MAML3: variants seen among roughly 807,000 people sequenced by gnomAD.
MAML3 encodes mastermind like transcriptional coactivator 3, also known as mastermind-like protein 3.
MAML3 carries 27 observed loss-of-function variants against 101.9 expected under a neutral mutation model. The ratio of observed to expected loss-of-function variants is 0.27; its 90% confidence interval spans 0.20 to 0.37. MAML3 has a LOEUF of 0.37. Among genes scored for constraint, MAML3 ranks in the 10% least tolerant of loss-of-function variants. MAML3 has a pLI of 1.00. For synonymous variants in MAML3, 501 were observed against 555.9 expected (o/e 0.90, Z 1.39); for missense variants, 1,316 against 1,444.9 (o/e 0.91, Z 1.45).
At chr4:139,927,467 G>A (rs1733288568) in intron 1 of MAML3, among the ~76,000 whole-genome samples, 1 of 152,098 alleles carries the variant, frequency 6.6e-6, no homozygotes, top group African/African-American at 2.4e-5. Flanking sequence ...CGCAAATTCC[G>A]TTTCTCCTCA....
chr4:139,874,147 A>T (rs1311145773), intron 2 of MAML3, among the ~76,000 whole-genome samples: 1 of 152,196 alleles, frequency 6.6e-6, no homozygotes, highest in Non-Finnish European at 1.5e-5. Context: ...GATTTTTCTC[A>T]TCTACTGAGG....
chr4:139,887,920 GA>G (rs1295449375), intron 2 of MAML3, among the ~76,000 whole-genome samples: 2 of 152,156 alleles, frequency 1.3e-5, no homozygotes. Flanking sequence ...TATTCTTAAT[GA>G]AACTAAGATA....
intron 2 of MAML3, among the ~76,000 whole-genome samples, chr4:139,835,072 A>G (rs1009022136): frequency 2.0e-5 from 3 of 152,192 alleles, no homozygotes; most frequent in African/African-American, 7.2e-5. Context: ...GACAAGGGGG[A>G]TCTCCCCACT....
intron 2 of MAML3, among the ~76,000 whole-genome samples, chr4:139,838,344 G>A (rs1158478696): frequency 1.3e-5 from 2 of 151,946 alleles, no homozygotes; most frequent in East Asian, 1.9e-4. Flanking sequence ...ACTGCATTTC[G>A]GCAGTATTGC....
chr4:139,978,186 A>G (rs146761509), intron 1 of MAML3, among the ~76,000 whole-genome samples: 57 of 152,222 alleles, frequency 3.7e-4, no homozygotes, highest in African/African-American at 1.3e-3. Context: ...GGAGCCCAAG[A>G]AGGTTACAAA....
intron 2 of MAML3, among the ~76,000 whole-genome samples, chr4:139,778,308 A>G (rs1730129035): frequency 6.6e-6 from 1 of 152,200 alleles, no homozygotes; most frequent in South Asian, 2.1e-4. Flanking sequence ...AGGGCTGTGC[A>G]CTTTTGAAGT....
At chr4:139,897,706 T>C (rs371419102) in intron 1 of MAML3, among the ~76,000 whole-genome samples, 26 of 152,188 alleles carry the variant, frequency 1.7e-4, no homozygotes, top group African/African-American at 5.5e-4. Context: ...GTTTTCTCCA[T>C]ACATTGTGAA....
At chr4:140,120,236 CAAAA>C (rs35845014) in intron 1 of MAML3, among the ~76,000 whole-genome samples, 5 of 90,048 alleles carry the variant, frequency 5.6e-5, no homozygotes, top group Middle Eastern at 5.8e-3. Context: ...GACTCCGTCT[CAAAA>C]AAAAAAAAAA....
At chr4:140,151,191 G>T (rs933959524) in intron 1 of MAML3, among the ~76,000 whole-genome samples, 2 of 151,894 alleles carry the variant, frequency 1.3e-5, no homozygotes, top group African/African-American at 4.8e-5. Flanking sequence ...AGAGTGGCTG[G>T]AGGAGGAGGA....
chr4:139,760,566 C>T (rs1373755801), intron 2 of MAML3, among the ~76,000 whole-genome samples: 2 of 152,144 alleles, frequency 1.3e-5, no homozygotes, highest in Non-Finnish European at 2.9e-5. Context: ...TGTGGCCAGA[C>T]AAGAGTTCAT....
chr4:139,836,315 G>A (rs1033878078), intron 2 of MAML3, among the ~76,000 whole-genome samples: 3 of 152,062 alleles, frequency 2.0e-5, no homozygotes, highest in Non-Finnish European at 2.9e-5. Flanking sequence ...CCCGCCTATC[G>A]TCTGCCAGCT....
chr4:139,828,732 TA>T (rs529918429), intron 2 of MAML3, among the ~76,000 whole-genome samples: 7 of 144,448 alleles, frequency 4.8e-5, no homozygotes, highest in East Asian at 2.0e-4. Context: ...TTTTTTTTTT[TA>T]AAAACATAGT....
At chr4:140,102,830 A>C (rs987625048) in intron 1 of MAML3, among the ~76,000 whole-genome samples, 1 of 152,218 alleles carries the variant, frequency 6.6e-6, no homozygotes, top group Non-Finnish European at 1.5e-5. Flanking sequence ...TGTCCAGAGA[A>C]AATGGCCTTG....
At chr4:140,086,711 C>T (rs555017700) in intron 1 of MAML3, among the ~76,000 whole-genome samples, 64 of 151,610 alleles carry the variant, frequency 4.2e-4, no homozygotes, top group African/African-American at 1.4e-3. Flanking sequence ...GTGGGGTGAA[C>T]GAGAGAAGAG....
chr4:139,965,820 C>T (rs139854294), intron 1 of MAML3, among the ~76,000 whole-genome samples: 12 of 152,212 alleles, frequency 7.9e-5, no homozygotes, highest in African/African-American at 2.9e-4. Flanking sequence ...CCAAGAACCC[C>T]TGGGCTCAAG....
chr4:140,043,960 G>A (rs967785741), intron 1 of MAML3, among the ~76,000 whole-genome samples: 2 of 152,128 alleles, frequency 1.3e-5, no homozygotes, highest in African/African-American at 4.8e-5. Context: ...AATCTAAAGC[G>A]AACTGAGTTA....
chr4:139,770,207 C>T (rs1015262260), intron 2 of MAML3, among the ~76,000 whole-genome samples: 13 of 152,242 alleles, frequency 8.5e-5, no homozygotes, highest in Admixed American at 7.8e-4. Context: ...ACGGGCATTA[C>T]AGGCATGAGC....
Position 139,884,147 on chromosome 4 carries a change from G to A in MAML3, c.2079+5210C>T, listed in dbSNP as rs146176631. On this transcript the variant is annotated intron_variant, in intron 2 of 4. Coordinates refer to ENST00000509479, the MANE Select transcript of MAML3 (RefSeq NM_018717.5). ...GATCCACCCGACTCGGCCTCCTAAA[G>A]TGCTGGGATTACAGGCGTGAGCCAC... Among the ~76,000 whole-genome samples, 1,136 of 152,222 alleles carry A rather than the reference G, an allele frequency of 7.5e-3. 11 individuals are homozygous for A. Among genetic ancestry groups the A allele is most frequent in the African/African-American group, 0.025 (1,047 of 41,510 alleles).
chr4:139,948,101 AAAAT>A (rs59043940), intron 1 of MAML3, among the ~76,000 whole-genome samples: 1,623 of 143,172 alleles, frequency 0.011, 10 homozygotes, highest in Middle Eastern at 0.025. Context: ...ACTCCATCTC[AAAAT>A]AAATAAATAA....
Sources: gnomAD v4.1 joint callset for allele counts (sites outside exome capture counted in the v4.1 genomes callset) on GRCh38, gnomAD v4.1.1 for gene constraint, MANE v1.5 for transcripts, NCBI Gene and HGNC (gene_info 2026-07-23, HGNC 2026-07-21) for gene names.